Variants in OTOP2 observed in about 807,000 individuals in gnomAD.
The protein encoded by OTOP2 is proton channel OTOP2.
In OTOP2, 41 loss-of-function variants were observed where a neutral mutation model predicts 47.4. The ratio of observed to expected loss-of-function variants is 0.87; its 90% confidence interval spans 0.67 to 1.12. The LOEUF is 1.12. OTOP2 is among the 50% of genes most tolerant of loss of function. The probability of loss-of-function intolerance (pLI) is 0.00; values close to 1 mark genes in which losing one functional copy is unlikely to be tolerated. For synonymous variants in OTOP2, 328 were observed against 319.6 expected (o/e 1.03, Z -0.28); for missense variants, 721 against 752.2 (o/e 0.96, Z 0.49).
Position 74,924,437 on chromosome 17 carries a change from G to T in OTOP2, c.-34+104G>T. 1 of 604,682 alleles carries T rather than the reference G, an allele frequency of 1.7e-6. No individual in the cohort carries two copies. The highest frequency in any genetic ancestry group is 2.8e-6 in the Non-Finnish European group (1 of 361,152). 37.5% of individuals were successfully genotyped at this position (604,682 alleles called of 1,614,324 possible). On this transcript the variant is annotated intron_variant, in intron 1 of 6. Transcript: ENST00000331427. This position sits in a 1 kb window ranked among gnomAD's most constrained non-coding sequence, Gnocchi z 7.7. The stretch of plus-strand genomic sequence containing the variant: ...TCCTTTCTTCCCATCCAGCGAGAGG[G>T]GCAGGTTCCGCATTTTCTCTTCCCC...
At position 74,931,165 on chromosome 17, in the gene OTOP2, G is replaced by T. The variant is rs139353371; in HGVS notation, c.1518+12G>T. On this transcript the variant is annotated intron_variant, in intron 6 of 6. Coordinates refer to ENST00000331427, the MANE Select transcript of OTOP2 (RefSeq NM_178160.3). ...TCTGCAATGTCATTGTGAGTAGCTG[G>T]GGGGAGAAAGGGTGGGCTTGGGAGA... The T allele has an allele frequency of 1.8e-4, 281 of 1,566,022 alleles. 1 individual carries two copies. The East Asian group carries it at 6.1e-3, about 34-fold the overall frequency.
In OTOP2 at chr17:74,925,081, G is replaced by A; in HGVS notation, c.313+136G>A. 6 of 1,146,994 alleles carry A rather than the reference G, an allele frequency of 5.2e-6. No homozygotes were observed. In the South Asian group the frequency reaches 8.2e-5, roughly 16 times the overall value. The allele number at this position is 1,146,994 out of a possible 1,614,324, so 71.1% of individuals were successfully genotyped here. ...TAGGGAGGACCAGGAGGACCGGAGG[G>A]TGAAGTGGGCTGCAGTTAGGGAAAA... On this transcript the variant is annotated intron_variant, in intron 2 of 6. Transcript: ENST00000331427.
At chr17:74,927,635 C>T in intron 4 of OTOP2, 30 bp from the exon 5 acceptor site, 2 of 1,598,410 alleles carry the variant, frequency 1.3e-6, no homozygotes, top group East Asian at 2.2e-5. Context: ...GGTCACAGGC[C>T]TCTTTGTCCC....
chr17:74,925,761 G>A (rs2039001897), intron 3 of OTOP2, 69 bp downstream of exon 3: 3 of 1,598,996 alleles, frequency 1.9e-6, no homozygotes, highest in African/African-American at 2.7e-5. Flanking sequence ...GACCCAACAA[G>A]GGGTCGGAGA....
chr17:74,927,185 A>G (rs1032966208), intron 3 of OTOP2, 38 bp from the exon 4 acceptor site: 15 of 1,563,592 alleles, frequency 9.6e-6, no homozygotes, highest in African/African-American at 4.1e-5. Context: ...TTGTCCATCT[A>G]TGGAGTAAAT....
Position 74,930,329 on chromosome 17 carries a change from G to A in OTOP2, c.694G>A (p.Val232Ile), listed in dbSNP as rs757522439. The A allele has an allele frequency of 3.7e-4, 602 of 1,613,998 alleles. No homozygotes were observed. Among genetic ancestry groups the A allele is most frequent in the Non-Finnish European group, 4.8e-4 (566 of 1,180,014 alleles). ...AGACTCCTGCCTCTGCAGCACGGCC[G>A]TCTGCCAGATCTTCCAGCAGGGGTA... ...GGDSCLCSTA[V>I]CQIFQQGYFY... is the part of the protein sequence containing the mutation. Residue 232 changes from valine (V) to isoleucine (I), a missense_variant, in exon 6 of 7, where the codon GTC becomes ATC. Val to Ile is a conservative substitution (Grantham distance 29, BLOSUM62 3). Transcript: ENST00000331427. This position sits in a 1 kb window ranked among gnomAD's most constrained non-coding sequence, Gnocchi z 4.0.
chr17:74,930,573 A>T lies in OTOP2; in HGVS notation c.938A>T (p.Gln313Leu). The change falls in exon 6 of 7, where the codon CAA becomes CTA. Residue 313 changes from glutamine (Q) to leucine (L), a missense_variant. By Grantham distance (113) the Gln-to-Leu change is moderately radical. Transcript: ENST00000331427. This position sits in a 1 kb window ranked among gnomAD's most constrained non-coding sequence, Gnocchi z 4.0. ...GCTGTCTTCATCATCTACGAGGTTC[A>T]AGTGAGCGGGGACGGGAGCCGCACC... is the stretch of plus-strand genomic sequence containing the variant. ...GLAVFIIYEV[Q>L]VSGDGSRTRQ... 1 of 1,613,910 alleles carries T rather than the reference A, an allele frequency of 6.2e-7. No homozygotes were observed. The highest frequency in any genetic ancestry group is 1.3e-5 in the African/African-American group (1 of 74,994).
At position 74,924,520 on chromosome 17, in the gene OTOP2, A is replaced by T; in HGVS notation, c.-33-80A>T. On this transcript the variant is annotated intron_variant, in intron 1 of 6. Coordinates refer to ENST00000331427, the MANE Select transcript of OTOP2 (RefSeq NM_178160.3). The surrounding 1 kb of genome is among the most constrained non-coding windows in gnomAD (Gnocchi z 7.7). ...CAACCCTGCGGGTCAGGAACTCCCT[A>T]GTCCCCAAGTCTAGGGATGAGATGG... The T allele has an allele frequency of 7.8e-7, 1 of 1,282,644 alleles. No homozygotes were observed. Among genetic ancestry groups the T allele is most frequent in the Non-Finnish European group, 1.0e-6 (1 of 962,296 alleles). The allele number at this position is 1,282,644 out of a possible 1,614,324, so 79.5% of individuals were successfully genotyped here. A position where few individuals can be genotyped will look rare whatever the true frequency, so the allele number is the denominator to read the frequency against.
rs1198625815 is a variant in OTOP2 at position 74,933,851 on chromosome 17, G to C, written c.*306G>C. On this transcript the variant is annotated 3_prime_UTR_variant, in exon 7 of 7. Coordinates refer to ENST00000331427, the MANE Select transcript of OTOP2 (RefSeq NM_178160.3). This position sits in a 1 kb window ranked among gnomAD's most constrained non-coding sequence, Gnocchi z 4.7. ...GCTCTGGTTCCATCTCTAATCCCCTGCTGTGGCCTGGCCAGTGTACTGCCC... is the reference window on the plus strand; with the variant it reads ...GCTCTGGTTCCATCTCTAATCCCCTCCTGTGGCCTGGCCAGTGTACTGCCC... The C allele has an allele frequency of 7.0e-6, 2 of 286,888 alleles. No homozygotes were observed. The highest frequency in any genetic ancestry group is 1.3e-5 in the Non-Finnish European group (2 of 151,134). The allele number at this position is 286,888 out of a possible 1,614,324, so 17.8% of individuals were successfully genotyped here.
rs144600706 is a variant in OTOP2 at position 74,930,294 on chromosome 17, C to G, written c.659C>G (p.Pro220Arg). The G allele has an allele frequency of 6.2e-7, 1 of 1,612,146 alleles. No homozygotes were observed. Among genetic ancestry groups the G allele is most frequent in the Admixed American group, 1.7e-5 (1 of 59,970 alleles). ...RLISDQHADN[P>R]VGGDSCLCST... is the part of the protein sequence containing the mutation. ...TCCACAACAGAGCATGCAGACAACC[C>G]GGTCGGAGGAGACTCCTGCCTCTGC... Residue 220 changes from proline to arginine, a missense_variant, in exon 6 of 7, where the codon CCG becomes CGG. Coordinates refer to ENST00000331427, the MANE Select transcript of OTOP2 (RefSeq NM_178160.3). This position sits in a 1 kb window ranked among gnomAD's most constrained non-coding sequence, Gnocchi z 4.0.
chr17:74,930,190 A>G lies in OTOP2; in HGVS notation c.644-89A>G. 1 of 1,449,730 alleles carries G rather than the reference A, an allele frequency of 6.9e-7. No homozygotes were observed. The highest frequency in any genetic ancestry group is 9.2e-7 in the Non-Finnish European group (1 of 1,084,400). 89.8% of individuals were successfully genotyped at this position (1,449,730 alleles called of 1,614,324 possible). A position where few individuals can be genotyped will look rare whatever the true frequency, so the allele number is the denominator to read the frequency against. Reference sequence around the variant, plus strand: ...AAGAGTGAAACTCCGTCTCAAAACAAAACAAAAAAAAAAAGGTCACAGGCT... The same window carrying G: ...AAGAGTGAAACTCCGTCTCAAAACAGAACAAAAAAAAAAAGGTCACAGGCT... On this transcript the variant is annotated intron_variant, in intron 5 of 6. Transcript: ENST00000331427. The surrounding 1 kb of genome is among the most constrained non-coding windows in gnomAD (Gnocchi z 4.0).
intron 4 of OTOP2, 100 bp from the exon 5 acceptor site, chr17:74,927,565 C>G: frequency 2.0e-6 from 3 of 1,480,982 alleles, no homozygotes; most frequent in Non-Finnish European, 2.7e-6. Context: ...TCACACAGGG[C>G]CTGGCTGCTT....
chr17:74,930,597 C>T lies in OTOP2; in HGVS notation c.962C>T (p.Thr321Ile). 6.2e-7 allele frequency: 1 copy of T among 1,614,012 alleles called. No individual in the cohort carries two copies. ...EVQVSGDGSR[T>I]RQALVIYYSF... ...CAAGTGAGCGGGGACGGGAGCCGCA[C>T]CAGGCAGGCCCTGGTCATCTACTAC... The change falls in exon 6 of 7, where the codon ACC becomes ATC. Residue 321 changes from threonine (T) to isoleucine (I), a missense_variant. By Grantham distance (89) the Thr-to-Ile change is moderately conservative (BLOSUM62 -1). Coordinates refer to ENST00000331427, the MANE Select transcript of OTOP2 (RefSeq NM_178160.3). This position sits in a 1 kb window ranked among gnomAD's most constrained non-coding sequence, Gnocchi z 4.0.
In OTOP2 at chr17:74,929,704, G is replaced by A. The variant is rs541795831; in HGVS notation, c.644-575G>A. On this transcript the variant is annotated intron_variant, in intron 5 of 6. Coordinates refer to ENST00000331427, the MANE Select transcript of OTOP2 (RefSeq NM_178160.3). ...GCCTCCCAAAGTGTTGGGATTACAG[G>A]TGTGAGCCACTGCACCTGGCCTGGA... Among the ~76,000 whole-genome samples the A allele has an allele frequency of 1.3e-3, 192 of 152,258 alleles. 1 individual carries two copies. The highest frequency in any genetic ancestry group is 4.2e-3 in the African/African-American group (175 of 41,560).
rs374237002 is a variant in OTOP2, at chr17:74,930,298, C to A, written c.663C>A (p.Val221=). Residue 221 remains valine (V), a synonymous_variant, in exon 6 of 7, where the codon GTC becomes GTA. Transcript: ENST00000331427. The surrounding 1 kb of genome is among the most constrained non-coding windows in gnomAD (Gnocchi z 4.0). ...LISDQHADNP[V]GGDSCLCSTA... ...CAACAGAGCATGCAGACAACCCGGT[C>A]GGAGGAGACTCCTGCCTCTGCAGCA... 1 of 1,613,204 alleles carries A rather than the reference C, an allele frequency of 6.2e-7. No individual in the cohort carries two copies. Among genetic ancestry groups the A allele is most frequent in the African/African-American group, 1.3e-5 (1 of 75,054 alleles).
At chr17:74,925,295 A>G (rs2038997338) in intron 2 of OTOP2, among the ~76,000 whole-genome samples, 1 of 151,912 alleles carries the variant, frequency 6.6e-6, no homozygotes, top group Admixed American at 6.6e-5. Context: ...CCCCAAAGAG[A>G]GGGGGGCTTG....
rs773306003 is a variant in OTOP2 at position 74,927,712 on chromosome 17, C to A, written c.557C>A (p.Ala186Glu). 1 of 1,614,158 alleles carries A rather than the reference C, an allele frequency of 6.2e-7. No homozygotes were observed. The highest frequency in any genetic ancestry group is 8.5e-7 in the Non-Finnish European group (1 of 1,180,004). The stretch of plus-strand genomic sequence containing the variant: ...ACCACCAACCTGGCCATCTGGATGG[C>A]GGCCGTGGTGGATGAATCTGTGCAC... The part of the protein sequence containing the change: ...TLTTNLAIWM[A>E]AVVDESVHQS... Residue 186 changes from alanine (A) to glutamate (E), a missense_variant, in exon 5 of 7, where the codon GCG becomes GAG. Transcript: ENST00000331427.
At chr17:74,927,880 T>A in intron 5 of OTOP2, 82 bp downstream of exon 5, 1 of 1,514,992 alleles carries the variant, frequency 6.6e-7, no homozygotes, top group South Asian at 1.3e-5. Flanking sequence ...CAGTCTCCTG[T>A]GCCCTCATGA....
In OTOP2 at chr17:74,924,309, C is replaced by G. The variant is rs1446216501; in HGVS notation, c.-58C>G. ...GCTCGCCGTCCCCTGACCCCCAGCT[C>G]AGCGCCGGCTCCAAGCCCAGCCAGG... On this transcript the variant is annotated 5_prime_UTR_variant, in exon 1 of 7. Coordinates refer to ENST00000331427, the MANE Select transcript of OTOP2 (RefSeq NM_178160.3). The surrounding 1 kb of genome is among the most constrained non-coding windows in gnomAD (Gnocchi z 7.7). 2.8e-6 allele frequency: 1 copy of G among 362,472 alleles called. No homozygotes were observed. Among genetic ancestry groups the G allele is most frequent in the Non-Finnish European group, 5.0e-6 (1 of 200,086 alleles). 22.5% of individuals were successfully genotyped at this position (362,472 alleles called of 1,614,324 possible). A position where few individuals can be genotyped will look rare whatever the true frequency, so the allele number is the denominator to read the frequency against.
Sources: allele counts gnomAD v4.1 joint callset (sites outside exome capture counted in the v4.1 genomes callset), GRCh38; gene constraint gnomAD v4.1.1; non-coding constraint Gnocchi (gnomAD v3.1); transcripts MANE v1.5; gene names NCBI Gene and HGNC (gene_info 2026-07-23, HGNC 2026-07-21).